The following CSMD1 variants were observed in gnomAD, a reference collection of about 807,000 sequenced individuals.
CSMD1 encodes the protein CUB and sushi domain-containing protein 1.
A neutral mutation model predicts 417.5 loss-of-function variants in CSMD1; 213 were observed. The ratio of observed to expected loss-of-function variants is 0.51; its 90% CI spans 0.46 to 0.57. CSMD1 has a LOEUF of 0.57. Among genes scored for constraint, CSMD1 ranks in the 20% least tolerant of loss-of-function variants. CSMD1 has a pLI of 0.00. For missense variants in CSMD1, 6,923 were observed against 4,529.7 expected, an observed-to-expected ratio of 1.53 and a Z score of -15.17; for synonymous variants, 2,862 against 1,736.8, an observed-to-expected ratio of 1.65 and a Z score of -16.11.
intron 29 of CSMD1, among the ~76,000 whole-genome samples, chr8:3,215,931 T>C (rs1797854938): frequency 6.6e-6 from 1 of 151,192 alleles, no homozygotes; most frequent in Non-Finnish European, 1.5e-5. Context: ...CAGAGATGTC[T>C]TTGGTGATCA....
intron 21 of CSMD1, 77 bp downstream of exon 21, chr8:3,359,075 C>T: frequency 2.1e-6 from 3 of 1,454,408 alleles, no homozygotes; most frequent in Non-Finnish European, 2.9e-6. Flanking sequence ...CCACCCGACC[C>T]CGACCACCCT....
chr8:3,270,046 C>CTTTTTTTTTTTT (rs200994813), intron 26 of CSMD1, among the ~76,000 whole-genome samples: 13 of 118,392 alleles, frequency 1.1e-4, no homozygotes, highest in African/African-American at 3.7e-4. Flanking sequence ...CTAACCTCTT[C>CTTTTTTTTTTTT]TTTTTTTTTT....
intron 1 of CSMD1, among the ~76,000 whole-genome samples, chr8:4,695,613 C>G (rs1172698056): frequency 6.6e-6 from 1 of 152,066 alleles, no homozygotes; most frequent in South Asian, 2.1e-4. Context: ...CACAGCCTTC[C>G]CCATTCTCAA....
At chr8:4,426,565 TA>T (rs1797569808) in intron 2 of CSMD1, among the ~76,000 whole-genome samples, 1 of 147,390 alleles carries the variant, frequency 6.8e-6, no homozygotes, top group African/African-American at 2.5e-5. Flanking sequence ...TACTATAGTA[TA>T]GTATATATAC....
chr8:4,321,142 A>C (rs1385972145), intron 3 of CSMD1, among the ~76,000 whole-genome samples: 1 of 152,050 alleles, frequency 6.6e-6, no homozygotes, highest in Non-Finnish European at 1.5e-5. Context: ...GAAGAGTGTC[A>C]AACCTATTTT....
intron 1 of CSMD1, among the ~76,000 whole-genome samples, chr8:4,787,148 C>T (rs1461481888): frequency 6.6e-6 from 1 of 152,220 alleles, no homozygotes. Context: ...CGCCTATACC[C>T]CTCCGGGTTC....
At chr8:4,408,487 A>G (rs1223257500) in intron 3 of CSMD1, among the ~76,000 whole-genome samples, 1 of 152,198 alleles carries the variant, frequency 6.6e-6, no homozygotes, top group Non-Finnish European at 1.5e-5. Flanking sequence ...TAATAGCTTA[A>G]TTTTACTTCT....
intron 4 of CSMD1, among the ~76,000 whole-genome samples, chr8:4,011,592 A>T (rs1816538535): frequency 6.6e-6 from 1 of 152,098 alleles, no homozygotes; most frequent in African/African-American, 2.4e-5. Context: ...GATTCATCTC[A>T]CTCAAGATCT....
chr8:3,960,353 C>A (rs1208924037), intron 5 of CSMD1, among the ~76,000 whole-genome samples: 7 of 152,156 alleles, frequency 4.6e-5, no homozygotes, highest in Non-Finnish European at 1.0e-4. Context: ...GACACCCTTT[C>A]CTCATCACGC....
chr8:3,508,684 G>A (rs1796937238), intron 10 of CSMD1, among the ~76,000 whole-genome samples: 2 of 152,066 alleles, frequency 1.3e-5, no homozygotes, highest in African/African-American at 2.4e-5. Flanking sequence ...TATCTATTAT[G>A]GAAAATTTTC....
At chr8:3,180,660 G>T (rs1821265246) in intron 37 of CSMD1, among the ~76,000 whole-genome samples, 1 of 152,000 alleles carries the variant, frequency 6.6e-6, no homozygotes, top group Non-Finnish European at 1.5e-5. Flanking sequence ...TTTTGAAACG[G>T]CATCTCGCTC....
chr8:3,191,248 A>G (rs1036730771), intron 33 of CSMD1, among the ~76,000 whole-genome samples: 3 of 152,118 alleles, frequency 2.0e-5, no homozygotes, highest in Non-Finnish European at 4.4e-5. Flanking sequence ...TGAGGTCGAG[A>G]GTTCGTTTAT....
At position 3,603,897 on chromosome 8, in the gene CSMD1, G is replaced by C. The variant is rs1801480933; in HGVS notation, c.1097+12813C>G. Among the ~76,000 whole-genome samples the C allele has an allele frequency of 2.0e-5, 3 of 152,270 alleles. No homozygotes were observed. In the East Asian group the frequency reaches 5.8e-4, roughly 29 times the overall value. On this transcript the variant is annotated intron_variant, in intron 8 of 69. Transcript: ENST00000635120. ...ATCTAGCAAATGGCCAAGGCTTAAT[G>C]CTTAATACAGTATATGATGCAAAGA... is the stretch of plus-strand genomic sequence containing the variant.
At chr8:4,050,937 C>G (rs923314601) in intron 3 of CSMD1, among the ~76,000 whole-genome samples, 1 of 152,010 alleles carries the variant, frequency 6.6e-6, no homozygotes, top group African/African-American at 2.4e-5. Flanking sequence ...TATTCCCATC[C>G]ATGATAAGGT....
intron 2 of CSMD1, among the ~76,000 whole-genome samples, chr8:4,590,744 T>A (rs1238409979): frequency 6.6e-6 from 1 of 152,192 alleles, no homozygotes; most frequent in East Asian, 1.9e-4. Flanking sequence ...TGCTTTTGGT[T>A]TTCTTTTGCT....
chr8:4,873,735 A>G lies in CSMD1; in HGVS notation c.85+120597T>C, dbSNP rs997171802. ...CCAATATTTGGCTTCAAGGAGCTCA[A>G]AGCCTTGAAAAATATGTAGCACCTA... On this transcript the variant is annotated intron_variant, in intron 1 of 69. Transcript: ENST00000635120. 3.1e-4 allele frequency among the ~76,000 whole-genome samples: 47 copies of G among 152,272 alleles called. 1 individual carries two copies. Among genetic ancestry groups the G allele is most frequent in the African/African-American group, 1.1e-3 (45 of 41,498 alleles).
intron 3 of CSMD1, among the ~76,000 whole-genome samples, chr8:4,087,651 C>G (rs542179769): frequency 2.6e-5 from 4 of 152,268 alleles, no homozygotes; most frequent in African/African-American, 9.6e-5. Flanking sequence ...CATTCTTACT[C>G]TTTCTCATTT....
At chr8:3,294,106 G>T (rs1437715469) in intron 25 of CSMD1, among the ~76,000 whole-genome samples, 1 of 152,190 alleles carries the variant, frequency 6.6e-6, no homozygotes. Flanking sequence ...GACCCTGTTT[G>T]CCTGGGTATC....
intron 2 of CSMD1, among the ~76,000 whole-genome samples, chr8:4,470,268 T>C (rs1338946651): frequency 1.3e-5 from 2 of 152,204 alleles, no homozygotes; most frequent in African/African-American, 4.8e-5. Context: ...GCTCCTCCTC[T>C]ATCCCGAGCC....
Sources: gnomAD v4.1 joint callset for allele counts (sites outside exome capture counted in the v4.1 genomes callset) on GRCh38, gnomAD v4.1.1 for gene constraint, MANE v1.5 for transcripts, NCBI Gene and HGNC (gene_info 2026-07-23, HGNC 2026-07-21) for gene names.